IFT172: variants seen among roughly 807,000 people sequenced by gnomAD.
IFT172 encodes the protein intraflagellar transport 172.
IFT172 carries 164 observed loss-of-function variants against 248.9 expected under a neutral mutation model. The observed-to-expected ratio is 0.66, with a 90% CI of 0.58 to 0.75. The LOEUF (loss-of-function observed/expected upper bound fraction) is 0.75. IFT172 is among the 30% of genes least tolerant of loss of function. IFT172 has a pLI of 0.00. For synonymous variants in IFT172, 729 were observed against 791.6 expected (o/e 0.92, Z 1.33); for missense variants, 1,950 against 2,192.4 (o/e 0.89, Z 2.21).
rs1218812259 is a variant in IFT172 at position 27,462,794 on chromosome 2, C to T, written c.2023-1G>A. 2 of 1,613,962 alleles carry T rather than the reference C, an allele frequency of 1.2e-6. No individual in the cohort carries two copies. Among genetic ancestry groups the T allele is most frequent in the South Asian group, 2.2e-5 (2 of 91,046 alleles). ...GATAAAAGTCTGTTCCTTCTCCGCC[C>T]TGTGGGGGAAAAAGGAGGTTCTGAT... On this transcript the variant is annotated splice_acceptor_variant, in intron 19 of 47. Transcript: ENST00000260570. LOFTEE classifies it high-confidence loss of function.
chr2:27,457,805 G>T, intron 28 of IFT172, 36 bp downstream of exon 28: 1 of 1,614,128 alleles, frequency 6.2e-7, no homozygotes, highest in Non-Finnish European at 8.5e-7. Context: ...GAGCCTGGTT[G>T]GGGAAGAGAT....
chr2:27,489,433 C>A (rs903924428), intron 1 of IFT172, among the ~76,000 whole-genome samples, 182 bp downstream of exon 1: 1 of 152,226 alleles, frequency 6.6e-6, no homozygotes, highest in African/African-American at 2.4e-5. Context: ...AGGAAAGCTA[C>A]AAGTCCTTAG....
In IFT172 at chr2:27,447,802, G is replaced by A. The variant is rs778633701; in HGVS notation, c.4539+10C>T. The A allele has an allele frequency of 2.0e-5, 32 of 1,601,002 alleles. No homozygotes were observed. In the Middle Eastern group the frequency reaches 5.0e-4, roughly 25 times the overall value. The stretch of plus-strand genomic sequence containing the variant: ...CAAGGACAGACGGAGCAGCCCTTTC[G>A]CTTCCTCACCAGGTTGAAGAGGACA... On this transcript the variant is annotated intron_variant, in intron 41 of 47. Transcript: ENST00000260570.
chr2:27,456,331 T>G (rs1350337413), intron 30 of IFT172, among the ~76,000 whole-genome samples, 180 bp downstream of exon 30: 1 of 152,240 alleles, frequency 6.6e-6, no homozygotes, highest in East Asian at 1.9e-4. Context: ...CCACCCTTCT[T>G]AGAACAGCCA....
At chr2:27,468,038 C>G (rs1030777887) in intron 16 of IFT172, among the ~76,000 whole-genome samples, 2 of 151,082 alleles carry the variant, frequency 1.3e-5, no homozygotes, top group African/African-American at 2.4e-5. Flanking sequence ...CATGCGCCTG[C>G]AGTTCCAGCT....
intron 10 of IFT172, among the ~76,000 whole-genome samples, chr2:27,479,256 C>G (rs543972589): frequency 6.6e-6 from 1 of 152,192 alleles, no homozygotes; most frequent in Non-Finnish European, 1.5e-5. Flanking sequence ...CCGCCCGCCT[C>G]GGCCTCCCAA....
At chr2:27,444,740 C>T (rs995056984) in intron 47 of IFT172, among the ~76,000 whole-genome samples, 2 of 152,142 alleles carry the variant, frequency 1.3e-5, no homozygotes, top group African/African-American at 4.8e-5. Context: ...CTCTGCCTCT[C>T]GGGTTTAAGC....
chr2:27,457,673 T>A lies in IFT172; in HGVS notation c.3194A>T (p.Tyr1065Phe). ...AQEWKATVNM[Y>F]RASGLWEEAY... ...CTCTTCCCAAAGCCCACTGGCCCGG[T>A]ACATGTTCACTGTTGCCTTCCATTC... is the stretch of plus-strand genomic sequence containing the variant. The change falls in exon 29 of 48, where the codon TAC (tyrosine) becomes TTC (phenylalanine). Residue 1065 changes from tyrosine (Y) to phenylalanine (F), a missense_variant. By Grantham distance (22) the Tyr-to-Phe change is conservative. Coordinates refer to ENST00000260570, the MANE Select transcript of IFT172 (RefSeq NM_015662.3). 6.2e-7 allele frequency: 1 copy of A among 1,614,186 alleles called. No homozygotes were observed. The highest frequency in any genetic ancestry group is 8.5e-7 in the Non-Finnish European group (1 of 1,180,038).
chr2:27,480,232 C>G (rs1668265959), intron 8 of IFT172, 83 bp from the exon 9 acceptor site: 3 of 1,481,520 alleles, frequency 2.0e-6, no homozygotes, highest in Non-Finnish European at 2.7e-6. Context: ...GGAAATTAGT[C>G]TTGCTATATC....
Position 27,453,340 on chromosome 2 carries a change from A to C in IFT172, c.3951+44T>G, listed in dbSNP as rs1350749281. The C allele has an allele frequency of 1.9e-6, 3 of 1,612,314 alleles. 1 individual carries two copies. Among genetic ancestry groups the C allele is most frequent in the Non-Finnish European group, 2.5e-6 (3 of 1,178,308 alleles). On this transcript the variant is annotated intron_variant, in intron 35 of 47. Coordinates refer to ENST00000260570, the MANE Select transcript of IFT172 (RefSeq NM_015662.3). ...GAGAAGCAGAGCCAAGTGTGAATAG[A>C]GGCCTAGGGAGAAGGAGGGCCAGAA...
intron 7 of IFT172, among the ~76,000 whole-genome samples, chr2:27,481,706 A>C (rs1017385978): frequency 4.6e-5 from 7 of 151,570 alleles, no homozygotes; most frequent in Non-Finnish European, 1.0e-4. Context: ...ATACCAGGCT[A>C]ATTTTTCTGT....
At chr2:27,456,297 C>T (rs1461587900) in intron 30 of IFT172, among the ~76,000 whole-genome samples, 1 of 152,192 alleles carries the variant, frequency 6.6e-6, no homozygotes, top group Admixed American at 6.5e-5. Context: ...GTCTGCAGTC[C>T]TAGCTTTACA....
At position 27,449,903 on chromosome 2, in the gene IFT172, G is replaced by A; in HGVS notation, c.4050+95C>T. On this transcript the variant is annotated intron_variant, in intron 36 of 47. Coordinates refer to ENST00000260570, the MANE Select transcript of IFT172 (RefSeq NM_015662.3). ...CCAGGACTGCAAGCCATGCCCACCA[G>A]GAGGCCCACCTCACACACCTTCCTG... is the stretch of plus-strand genomic sequence containing the variant. 3 of 1,393,990 alleles carry A rather than the reference G, an allele frequency of 2.2e-6. No individual in the cohort carries two copies. In the South Asian group the frequency reaches 3.7e-5, roughly 17 times the overall value. 86.4% of individuals were successfully genotyped at this position (1,393,990 alleles called of 1,614,324 possible). A position where few individuals can be genotyped will look rare whatever the true frequency, so the allele number is the denominator to read the frequency against.
At position 27,453,656 on chromosome 2, in the gene IFT172, C is replaced by G; in HGVS notation, c.3795G>C (p.Glu1265Asp). 1 of 1,612,384 alleles carries G rather than the reference C, an allele frequency of 6.2e-7. No homozygotes were observed. The highest frequency in any genetic ancestry group is 8.5e-7 in the Non-Finnish European group (1 of 1,179,422). The change falls in exon 34 of 48, where the codon GAG becomes GAC. Residue 1265 changes from glutamate (E) to aspartate (D), a missense_variant. Physicochemically the swap from Glu to Asp is conservative, Grantham distance 45. This residue lies in a region of IFT172 where 620 missense variants were observed against 699.0 expected (regional missense o/e 0.89). Coordinates refer to ENST00000260570, the MANE Select transcript of IFT172 (RefSeq NM_015662.3). ...TGGCCCCCTTCTTAGTAGCTTCCCG[C>G]TCATATTCTTCCTGCAGAGCCTCCA... ...SQLEALQEEY[E>D]REATKKGARG...
In IFT172 at chr2:27,465,872, A is replaced by G. The variant is rs1318361155; in HGVS notation, c.1703T>C (p.Ile568Thr). Residue 568 changes from isoleucine to threonine, a missense_variant, in exon 17 of 48, where the codon ATA becomes ACA. By Grantham distance (89) the Ile-to-Thr change is moderately conservative. Around this residue, in one of 3 missense-constraint regions of IFT172, gnomAD observed 1,166 missense variants for 1,254.1 expected, o/e 0.93. Coordinates refer to ENST00000260570, the MANE Select transcript of IFT172 (RefSeq NM_015662.3). ...CTTTCCCCCGCCCCGCTCCAGACCT[A>G]TAACATCACCCTGTAAAAGTTTATC... ...VTMFTIRGDV[I>T]GLERGGGKTE... is the part of the protein sequence containing the mutation. 1.9e-6 allele frequency: 3 copies of G among 1,613,914 alleles called. No homozygotes were observed. Among genetic ancestry groups the G allele is most frequent in the African/African-American group, 2.7e-5 (2 of 74,884 alleles).
Position 27,445,955 on chromosome 2 carries a change from G to A in IFT172, c.4789C>T (p.Leu1597Phe). 1 of 1,614,222 alleles carries A rather than the reference G, an allele frequency of 6.2e-7. No homozygotes were observed. Residue 1597 changes from leucine (L) to phenylalanine (F), a missense_variant, in exon 44 of 48, where the codon CTC (leucine) becomes TTC (phenylalanine). Transcript: ENST00000260570. The surrounding 1 kb of genome is among the most constrained non-coding windows in gnomAD (Gnocchi z 4.4). The part of the protein sequence containing the change: ...VGWDNMAFIF[L>F]NRFLDLTDAI... ...TCGGTCAGGTCCAAAAAGCGATTGA[G>A]GAAGATGAATGCCATGTTATCCCAG...
Position 27,454,540 on chromosome 2 carries a change from C to T in IFT172, c.3465+27G>A, listed in dbSNP as rs760258180. On this transcript the variant is annotated intron_variant, in intron 31 of 47. Transcript: ENST00000260570. This position sits in a 1 kb window ranked among gnomAD's most constrained non-coding sequence, Gnocchi z 4.2. ...TAGGGGATGGAATAAGAGGGCTCTG[C>T]GGTCGGGGTCCAAATCACACCCATA... 1.9e-5 allele frequency: 31 copies of T among 1,611,330 alleles called. No individual in the cohort carries two copies. Among genetic ancestry groups the T allele is most frequent in the Non-Finnish European group, 2.4e-5 (28 of 1,177,678 alleles).
In IFT172 at chr2:27,460,995, G is replaced by A. The variant is rs763080560; in HGVS notation, c.2521+20C>T. On this transcript the variant is annotated intron_variant, in intron 23 of 47. Transcript: ENST00000260570. ...GCAAGAGTCCACAACAGTAAAGGAT[G>A]GCTTATAGGTGGCTAGTACCTTTCA... 2 of 1,614,068 alleles carry A rather than the reference G, an allele frequency of 1.2e-6. No individual in the cohort carries two copies. The highest frequency in any genetic ancestry group is 1.7e-6 in the Non-Finnish European group (2 of 1,179,974).
chr2:27,450,853 A>C (rs1407453686), intron 35 of IFT172, among the ~76,000 whole-genome samples: 1 of 152,160 alleles, frequency 6.6e-6, no homozygotes, highest in South Asian at 2.1e-4. Context: ...TGGCCTCCCA[A>C]AGTTCTGGGA....
Sources: allele counts gnomAD v4.1 joint callset (sites outside exome capture counted in the v4.1 genomes callset), GRCh38; gene constraint gnomAD v4.1.1; regional missense constraint gnomAD v4.1.1; non-coding constraint Gnocchi (gnomAD v3.1); transcripts MANE v1.5; gene names NCBI Gene and HGNC (gene_info 2026-07-23, HGNC 2026-07-21).